RPS6KB2: variants seen among roughly 807,000 people sequenced by gnomAD.
RPS6KB2 encodes the protein ribosomal protein S6 kinase beta-2.
In RPS6KB2, 51 loss-of-function variants were observed where a neutral mutation model predicts 58.2. The observed-to-expected ratio is 0.88, with a 90% confidence interval of 0.70 to 1.11. The LOEUF (loss-of-function observed/expected upper bound fraction) is 1.11. RPS6KB2 is among the 50% of genes least tolerant of loss of function. The probability of loss-of-function intolerance (pLI) is 0.00; values close to 1 mark genes in which losing one functional copy is unlikely to be tolerated. For synonymous variants in RPS6KB2, 293 were observed against 258.6 expected (o/e 1.13, Z -1.28); for missense variants, 671 against 655.8 (o/e 1.02, Z -0.25).
chr11:67,428,792 C>T (rs1863925766), intron 1 of RPS6KB2, 169 bp downstream of exon 1: 10 of 912,168 alleles, frequency 1.1e-5, no homozygotes, highest in South Asian at 1.0e-4. Context: ...ACCCCGACCT[C>T]TCTTCCAGAA....
chr11:67,428,891 C>T (rs754032612), intron 1 of RPS6KB2, 91 bp from the exon 2 acceptor site: 2 of 1,466,728 alleles, frequency 1.4e-6, no homozygotes, highest in African/African-American at 1.4e-5. Context: ...TCCCTGACAC[C>T]CTTCTCTCCT....
rs754032699 is a variant in RPS6KB2 at position 67,432,674 on chromosome 11, C to T, written c.515+17C>T. 37 of 1,613,916 alleles carry T rather than the reference C, an allele frequency of 2.3e-5. No homozygotes were observed. The Admixed American group carries it at 4.2e-4, about 18-fold the overall frequency. ...TACGGCCTGGTGGGTGTTAATCCTCCGCTTTCCTGAGGCTGCCAGGTCCCT... is the reference window on the plus strand; with the variant it reads ...TACGGCCTGGTGGGTGTTAATCCTCTGCTTTCCTGAGGCTGCCAGGTCCCT... On this transcript the variant is annotated intron_variant, in intron 6 of 14. Transcript: ENST00000312629.
intron 1 of RPS6KB2, 74 bp downstream of exon 1, chr11:67,428,697 C>A: frequency 7.1e-7 from 1 of 1,411,886 alleles, no homozygotes; most frequent in Non-Finnish European, 9.7e-7. Flanking sequence ...AGCGGCGGCT[C>A]CGCACGCCCA....
intron 4 of RPS6KB2, chr11:67,430,351 C>G (rs1386648491): frequency 6.6e-6 from 1 of 151,834 alleles, no homozygotes; most frequent in Non-Finnish European, 1.5e-5. Context: ...TGCAGTGGTG[C>G]GATCTCGGCT....
rs34190668 is a variant in RPS6KB2, at chr11:67,430,110, C to CT, written c.309+529dup. 684 of 141,246 alleles carry CT rather than the reference C, an allele frequency of 4.8e-3. 1 individual carries two copies. Among genetic ancestry groups the CT allele is most frequent in the African/African-American group, 0.013 (514 of 38,094 alleles). 8.7% of individuals were successfully genotyped at this position (141,246 alleles called of 1,614,324 possible). ...TACAGGCATGAGCCACCGTCCCTAG[C>CT]TTTTTTTTTTTTTTGGATGGAGTCT... On this transcript the variant is annotated intron_variant, in intron 4 of 14. Transcript: ENST00000312629.
intron 3 of RPS6KB2, 121 bp downstream of exon 3, chr11:67,429,361 CAT>C: frequency 6.8e-7 from 1 of 1,470,972 alleles, no homozygotes; most frequent in Non-Finnish European, 9.3e-7. Flanking sequence ...GAGCCAGAAA[CAT>C]AAAGGAGGGA....
rs974997211 is a variant in RPS6KB2 at position 67,429,365 on chromosome 11, A to G, written c.240+125A>G. On this transcript the variant is annotated intron_variant, in intron 3 of 14. Coordinates refer to ENST00000312629, the MANE Select transcript of RPS6KB2 (RefSeq NM_003952.3). Reference sequence around the variant, plus strand: ...AATGGGATTCAGAGCCAGAAACATAAAGGAGGGAAGGCCAAATCCTCTCCA... The same window carrying G: ...AATGGGATTCAGAGCCAGAAACATAGAGGAGGGAAGGCCAAATCCTCTCCA... 12 of 1,437,024 alleles carry G rather than the reference A, an allele frequency of 8.4e-6. No individual in the cohort carries two copies. The East Asian group carries it at 2.3e-4, about 28-fold the overall frequency. The allele number at this position is 1,437,024 out of a possible 1,614,324, so 89.0% of individuals were successfully genotyped here.
In RPS6KB2 at chr11:67,432,730, T is replaced by G; in HGVS notation, c.516-7T>G. 1 of 1,614,176 alleles carries G rather than the reference T, an allele frequency of 6.2e-7. No homozygotes were observed. Among genetic ancestry groups the G allele is most frequent in the Non-Finnish European group, 8.5e-7 (1 of 1,179,998 alleles). ...ACTCCCGCCTTCACCCTGTCTTGTT[T>G]CTGCAGCTTCTACCTGGCTGAGATC... On this transcript the variant is annotated splice_region_variant and splice_polypyrimidine_tract_variant and intron_variant, in intron 6 of 14. Coordinates refer to ENST00000312629, the MANE Select transcript of RPS6KB2 (RefSeq NM_003952.3).
At chr11:67,428,819 C>A (rs750244528) in intron 1 of RPS6KB2, 163 bp from the exon 2 acceptor site, 15 of 977,010 alleles carry the variant, frequency 1.5e-5, no homozygotes, top group Non-Finnish European at 2.2e-5. Flanking sequence ...CCTTTTCTCC[C>A]GATTCTCCCT....
In RPS6KB2 at chr11:67,432,271, C is replaced by T. The variant is rs191074789; in HGVS notation, c.458-329C>T. 68 of 577,846 alleles carry T rather than the reference C, an allele frequency of 1.2e-4. No individual in the cohort carries two copies. In the African/African-American group the frequency reaches 1.2e-3, roughly 10 times the overall value. 35.8% of individuals were successfully genotyped at this position (577,846 alleles called of 1,614,324 possible). On this transcript the variant is annotated intron_variant, in intron 5 of 14. Transcript: ENST00000312629. ...CACTCTGTCTTCCCTGTCTTCTCTG[C>T]GAGATCTTTTGGGCTAAGCTCTTGG...
chr11:67,432,194 C>T (rs368119355), intron 5 of RPS6KB2: 6 of 416,502 alleles, frequency 1.4e-5, no homozygotes, highest in Non-Finnish European at 2.9e-5. Flanking sequence ...ATCTCAGCAT[C>T]CCCTTAAAGT....
In RPS6KB2 at chr11:67,433,399, G is replaced by A. The variant is rs912108680; in HGVS notation, c.858G>A (p.Leu286=). Residue 286 remains leucine, a synonymous_variant, in exon 10 of 15, where the codon CTG becomes CTA. Coordinates refer to ENST00000312629, the MANE Select transcript of RPS6KB2 (RefSeq NM_003952.3). ...TGGATAAGATCATCAGGGGCAAGCT[G>A]GCACTGCCCCCCTACCTCACCCCAG... The part of the protein sequence containing the change: ...KTMDKIIRGK[L]ALPPYLTPDA... 4 of 1,613,898 alleles carry A rather than the reference G, an allele frequency of 2.5e-6. No individual in the cohort carries two copies. In the Admixed American group the frequency reaches 6.7e-5, roughly 27 times the overall value.
chr11:67,434,086 G>T, intron 11 of RPS6KB2, 29 bp downstream of exon 11: 2 of 1,613,732 alleles, frequency 1.2e-6, no homozygotes, highest in South Asian at 1.1e-5. Context: ...CCAGGGGTAG[G>T]GCTGAGTCTC....
chr11:67,435,338 G>T lies in RPS6KB2; in HGVS notation c.*169G>T, dbSNP rs971549825. 1.4e-6 allele frequency: 1 copy of T among 702,608 alleles called. No individual in the cohort carries two copies. Among genetic ancestry groups the T allele is most frequent in the Admixed American group, 3.1e-5 (1 of 32,442 alleles). 43.5% of individuals were successfully genotyped at this position (702,608 alleles called of 1,614,324 possible). A position where few individuals can be genotyped will look rare whatever the true frequency, so the allele number is the denominator to read the frequency against. Reference sequence around the variant, plus strand: ...AGCTGTGCCCCTGAATCATGGGCACGGAGGGCCGCCCGCCACGCCCCGCGC... The same window carrying T: ...AGCTGTGCCCCTGAATCATGGGCACTGAGGGCCGCCCGCCACGCCCCGCGC... On this transcript the variant is annotated 3_prime_UTR_variant, in exon 15 of 15. Transcript: ENST00000312629.
intron 4 of RPS6KB2, chr11:67,430,362 C>T (rs1034662556): frequency 1.3e-5 from 2 of 151,952 alleles, no homozygotes; most frequent in Non-Finnish European, 2.9e-5. Context: ...GATCTCGGCT[C>T]ACTGGCAACC....
chr11:67,434,391 C>G lies in RPS6KB2; in HGVS notation c.1062C>G (p.Asp354Glu), dbSNP rs778996383. ...TCGGCCCACAGCAGTCAGAGGAGGA[C>G]GTGAGCCAGTTTGATACCCGCTTCA... is the stretch of plus-strand genomic sequence containing the variant. ...PFRPCLQSEE[D>E]VSQFDTRFTR... Residue 354 changes from aspartate to glutamate, a missense_variant, in exon 13 of 15, where the codon GAC (aspartate) becomes GAG (glutamate). Transcript: ENST00000312629. 6.2e-6 allele frequency: 10 copies of G among 1,613,076 alleles called. No individual in the cohort carries two copies. The African/African-American group carries it at 1.3e-4, about 22-fold the overall frequency.
chr11:67,434,733 C>A, intron 14 of RPS6KB2, 39 bp downstream of exon 14: 1 of 1,482,764 alleles, frequency 6.7e-7, no homozygotes, highest in Non-Finnish European at 9.2e-7. Flanking sequence ...GGGTTAGGGA[C>A]GCTGGCAGGC....
In RPS6KB2 at chr11:67,429,184, A is replaced by G; in HGVS notation, c.184A>G (p.Ile62Val). Residue 62 changes from isoleucine to valine, a missense_variant, in exon 3 of 15, where the codon ATC becomes GTC. Coordinates refer to ENST00000312629, the MANE Select transcript of RPS6KB2 (RefSeq NM_003952.3). ...CAGCGTGAACGTTGGCCCAGAGCGC[A>G]TCGGGCCCCACTGCTTTGAGCTGCT... is the stretch of plus-strand genomic sequence containing the variant. ...ETSVNVGPERIGPHCFELLRV... is the reference protein window; with the variant it reads ...ETSVNVGPERVGPHCFELLRV... 1 of 1,613,842 alleles carries G rather than the reference A, an allele frequency of 6.2e-7. No individual in the cohort carries two copies. Among genetic ancestry groups the G allele is most frequent in the African/African-American group, 1.3e-5 (1 of 75,048 alleles).
chr11:67,434,941 T>C (rs772083479), intron 14 of RPS6KB2, 48 bp from the exon 15 acceptor site: 2 of 1,561,726 alleles, frequency 1.3e-6, no homozygotes, highest in East Asian at 4.5e-5. Flanking sequence ...GCTGGGAGCC[T>C]CTGGCAGGGC....
Sources: allele counts gnomAD v4.1 joint callset, GRCh38; gene constraint gnomAD v4.1.1; transcripts MANE v1.5; gene names NCBI Gene and HGNC (gene_info 2026-07-23, HGNC 2026-07-21).